The following NWD2 variants were observed in gnomAD, a reference collection of about 807,000 sequenced individuals.
NWD2 encodes the protein NACHT and WD repeat domain containing 2, also known as NACHT and WD repeat domain-containing protein 2.
A neutral mutation model predicts 132.7 loss-of-function variants in NWD2; 37 were observed. The ratio of observed to expected loss-of-function variants is 0.28; its 90% confidence interval spans 0.21 to 0.37. The LOEUF (loss-of-function observed/expected upper bound fraction) is 0.37, where lower values mean the gene tolerates loss of function less well. Ranked by LOEUF, NWD2 falls within the 10% of genes least tolerant of loss-of-function variation. NWD2 has a pLI of 1.00. For missense variants in NWD2, 1,592 were observed against 2,122.4 expected, an observed-to-expected ratio of 0.75 and a Z score of 4.91; for synonymous variants, 705 against 803.0, an observed-to-expected ratio of 0.88 and a Z score of 2.06.
intron 2 of NWD2, among the ~76,000 whole-genome samples, chr4:37,349,862 A>G (rs964836339): frequency 6.6e-6 from 1 of 152,144 alleles, no homozygotes. Flanking sequence ...TAATTTTTAT[A>G]TAAGTTATAA....
intron 2 of NWD2, among the ~76,000 whole-genome samples, chr4:37,336,642 A>G (rs1015458695): frequency 3.9e-5 from 6 of 152,242 alleles, no homozygotes; most frequent in Non-Finnish European, 8.8e-5. Flanking sequence ...GAAAATGATT[A>G]TAAAGAAAAT....
chr4:37,289,654 G>A (rs1183941137), intron 1 of NWD2, among the ~76,000 whole-genome samples: 1 of 152,010 alleles, frequency 6.6e-6, no homozygotes, highest in East Asian at 1.9e-4. Flanking sequence ...TGTCTTTTGA[G>A]GTAAAATTTA....
chr4:37,295,626 T>C (rs1258198628), intron 1 of NWD2, among the ~76,000 whole-genome samples: 1 of 152,240 alleles, frequency 6.6e-6, no homozygotes, highest in Non-Finnish European at 1.5e-5. Context: ...CCTTGTGGAA[T>C]CATCTATCTA....
intron 1 of NWD2, among the ~76,000 whole-genome samples, chr4:37,313,681 G>GT (rs766589276): frequency 6.6e-6 from 1 of 150,942 alleles, no homozygotes; most frequent in Non-Finnish European, 1.5e-5. Flanking sequence ...TTGTTGATGA[G>GT]TTTTTTGTTT....
At chr4:37,308,352 G>T (rs1280903796) in intron 1 of NWD2, among the ~76,000 whole-genome samples, 1 of 152,142 alleles carries the variant, frequency 6.6e-6, no homozygotes, top group Non-Finnish European at 1.5e-5. Context: ...TGTTTCTTCA[G>T]CTGTAATCAG....
chr4:37,391,041 T>A (rs1230930539), intron 3 of NWD2, among the ~76,000 whole-genome samples: 1 of 152,236 alleles, frequency 6.6e-6, no homozygotes, highest in Admixed American at 6.5e-5. Context: ...CTGATTTTTT[T>A]GTTTTTCACC....
At chr4:37,304,052 T>C (rs977104236) in intron 1 of NWD2, among the ~76,000 whole-genome samples, 1 of 152,156 alleles carries the variant, frequency 6.6e-6, no homozygotes, top group African/African-American at 2.4e-5. Context: ...GACTGGGTAA[T>C]TTATAAAGGA....
chr4:37,327,078 C>T (rs972676974), intron 2 of NWD2, among the ~76,000 whole-genome samples: 5 of 152,062 alleles, frequency 3.3e-5, no homozygotes, highest in African/African-American at 1.2e-4. Context: ...GCACTGCCTT[C>T]TCTGAGGAAT....
At chr4:37,438,038 G>A (rs1231859732) in intron 5 of NWD2, among the ~76,000 whole-genome samples, 1 of 152,052 alleles carries the variant, frequency 6.6e-6, no homozygotes, top group Admixed American at 6.6e-5. Context: ...GAGGCAGGTG[G>A]ATCACAAGGT....
At chr4:37,289,448 C>G (rs1180457989) in intron 1 of NWD2, among the ~76,000 whole-genome samples, 1 of 152,148 alleles carries the variant, frequency 6.6e-6, no homozygotes, top group Non-Finnish European at 1.5e-5. Flanking sequence ...ACAGTAAACA[C>G]TTATATACTT....
intron 1 of NWD2, among the ~76,000 whole-genome samples, chr4:37,267,666 T>C (rs931360308): frequency 6.6e-6 from 1 of 152,008 alleles, no homozygotes; most frequent in Admixed American, 6.6e-5. Context: ...ACCGGTGTTT[T>C]TGAAGTACCT....
intron 1 of NWD2, among the ~76,000 whole-genome samples, chr4:37,303,742 G>A (rs1219615952): frequency 2.0e-5 from 3 of 152,040 alleles, no homozygotes; most frequent in Non-Finnish European, 4.4e-5. Context: ...GTTCGTTTTG[G>A]TGTATAGAAA....
chr4:37,365,911 T>C (rs1314815550), intron 3 of NWD2, among the ~76,000 whole-genome samples: 4 of 152,096 alleles, frequency 2.6e-5, no homozygotes, highest in African/African-American at 9.7e-5. Context: ...TAAAGAAAAA[T>C]GTTCACTTTT....
chr4:37,324,738 G>A (rs1206232392), intron 1 of NWD2, among the ~76,000 whole-genome samples: 1 of 152,066 alleles, frequency 6.6e-6, no homozygotes, highest in East Asian at 1.9e-4. Context: ...CTGAATCTTT[G>A]ATTTCTGTGT....
intron 3 of NWD2, among the ~76,000 whole-genome samples, chr4:37,370,698 T>C (rs765126820): frequency 6.6e-6 from 1 of 152,220 alleles, no homozygotes; most frequent in Non-Finnish European, 1.5e-5. Flanking sequence ...TCTCCAAAAT[T>C]TATCAGATGA....
chr4:37,444,155 CAT>C lies in NWD2; in HGVS notation c.2168_2169del (p.His723ArgfsTer26), dbSNP rs1712565289. The C allele has an allele frequency of 1.9e-6, 3 of 1,551,616 alleles. No homozygotes were observed. Among genetic ancestry groups the C allele is most frequent in the African/African-American group, 1.4e-5 (1 of 73,040 alleles). On this transcript the variant is annotated frameshift_variant, in exon 7 of 7. Coordinates refer to ENST00000309447, the MANE Select transcript of NWD2 (RefSeq NM_001144990.2). LOFTEE classifies it high-confidence loss of function. The surrounding 1 kb of genome is among the most constrained non-coding windows in gnomAD (Gnocchi z 4.8). The part of the protein sequence containing the change: ...EGLSGYLIER[H>X]VKNVTLLVWA... ...TCTCAGTGGATACCTAATAGAAAGA[CAT>C]GTGAAAAATGTCACACTCCTAGTCT... is the stretch of plus-strand genomic sequence containing the variant.
chr4:37,333,499 G>A (rs920200780), intron 2 of NWD2, among the ~76,000 whole-genome samples: 2 of 152,138 alleles, frequency 1.3e-5, no homozygotes, highest in East Asian at 1.9e-4. Flanking sequence ...GAAGAGCCAC[G>A]TGTTACTGGG....
intron 1 of NWD2, among the ~76,000 whole-genome samples, chr4:37,310,755 G>T (rs1020361014): frequency 6.7e-6 from 1 of 148,588 alleles, no homozygotes; most frequent in Non-Finnish European, 1.5e-5. Flanking sequence ...TTAGCATTAG[G>T]TATATCTCCT....
chr4:37,284,011 A>G (rs1718178087), intron 1 of NWD2, among the ~76,000 whole-genome samples: 1 of 152,234 alleles, frequency 6.6e-6, no homozygotes, highest in African/African-American at 2.4e-5. Context: ...TATCCTCTGG[A>G]AGGTCATTAG....
Sources: allele counts gnomAD v4.1 joint callset (sites outside exome capture counted in the v4.1 genomes callset), GRCh38; gene constraint gnomAD v4.1.1; non-coding constraint Gnocchi (gnomAD v3.1); transcripts MANE v1.5; gene names NCBI Gene and HGNC (gene_info 2026-07-23, HGNC 2026-07-21).